The following SLCO3A1 variants were observed in gnomAD, a reference collection of about 807,000 sequenced individuals.
The protein encoded by SLCO3A1 is solute carrier organic anion transporter family member 3A1.
Under a neutral mutation model 63.1 loss-of-function variants are expected in SLCO3A1, and 27 were observed. The ratio of observed to expected loss-of-function variants is 0.43; its 90% CI spans 0.32 to 0.59. The LOEUF is 0.59. Among genes scored for constraint, SLCO3A1 ranks in the 20% least tolerant of loss-of-function variants. The probability of loss-of-function intolerance (pLI) is 0.09; values close to 1 mark genes in which losing one functional copy is unlikely to be tolerated. For missense variants in SLCO3A1, 773 were observed against 945.8 expected (o/e 0.82, Z 2.40); for synonymous variants, 473 against 409.9 (o/e 1.15, Z -1.86).
Position 91,950,717 on chromosome 15 carries a change from T to G in SLCO3A1, c.646+34259T>G, listed in dbSNP as rs1220163552. Among the ~76,000 whole-genome samples the G allele has an allele frequency of 6.6e-6, 1 of 152,234 alleles. No individual in the cohort carries two copies. Among genetic ancestry groups the G allele is most frequent in the Non-Finnish European group, 1.5e-5 (1 of 68,034 alleles). ...ATTTCACAACCAGTCTGATTGCTCT[T>G]GTCCCAAGTCATTGCTTTTTGGGGT... On this transcript the variant is annotated intron_variant, in intron 2 of 9. Coordinates refer to ENST00000318445, the MANE Select transcript of SLCO3A1 (RefSeq NM_013272.4). This position sits in a 1 kb window ranked among gnomAD's most constrained non-coding sequence, Gnocchi z 4.4.
intron 2 of SLCO3A1, among the ~76,000 whole-genome samples, chr15:92,047,543 A>AAT (rs1369129543): frequency 8.7e-5 from 1 of 11,432 alleles, no homozygotes; most frequent in African/African-American, 4.8e-4. Flanking sequence ...AAATATATAT[A>AAT]ATATATAAAT....
chr15:91,996,722 C>A (rs2046196779), intron 2 of SLCO3A1, among the ~76,000 whole-genome samples: 1 of 152,060 alleles, frequency 6.6e-6, no homozygotes. Context: ...ATGAGAGCAA[C>A]AACACTACAA....
At chr15:91,964,473 C>T (rs1489987869) in intron 2 of SLCO3A1, among the ~76,000 whole-genome samples, 1 of 151,626 alleles carries the variant, frequency 6.6e-6, no homozygotes, top group Non-Finnish European at 1.5e-5. Context: ...ACAGGTTTTA[C>T]TAATATGTGG....
chr15:92,120,588 A>G lies in SLCO3A1; in HGVS notation c.1133A>G (p.Gln378Arg). 6.2e-7 allele frequency: 1 copy of G among 1,613,954 alleles called. No individual in the cohort carries two copies. The highest frequency in any genetic ancestry group is 1.3e-5 in the African/African-American group (1 of 74,954). Reference protein sequence around the residue: ...FAAFLGKYLEQQFNLTTSSAN... With the variant: ...FAAFLGKYLERQFNLTTSSAN... ...GCCTTTTTGGGGAAGTACCTGGAGCAGCAGTTTAACCTCACCACCTCTTCT... is the reference window on the plus strand; with the variant it reads ...GCCTTTTTGGGGAAGTACCTGGAGCGGCAGTTTAACCTCACCACCTCTTCT... The change falls in exon 5 of 10, where the codon CAG becomes CGG. Residue 378 changes from glutamine (Q) to arginine (R), a missense_variant. Transcript: ENST00000318445.
chr15:92,070,254 G>A (rs1452249132), intron 2 of SLCO3A1, among the ~76,000 whole-genome samples: 3 of 152,242 alleles, frequency 2.0e-5, no homozygotes, highest in Admixed American at 6.5e-5. Flanking sequence ...AAGGGACTTC[G>A]AAAGTTAAAC....
intron 2 of SLCO3A1, among the ~76,000 whole-genome samples, chr15:92,045,375 T>G (rs1307543590): frequency 1.3e-5 from 2 of 152,156 alleles, no homozygotes; most frequent in Non-Finnish European, 2.9e-5. Flanking sequence ...AAAAATCACT[T>G]ATAATTCTGC....
At chr15:91,920,174 T>G (rs1170865004) in intron 2 of SLCO3A1, among the ~76,000 whole-genome samples, 1 of 152,244 alleles carries the variant, frequency 6.6e-6, no homozygotes, top group South Asian at 2.1e-4. Context: ...TTGAGTAACT[T>G]ACCCAAGCTC....
At chr15:92,007,129 C>T (rs1458179736) in intron 2 of SLCO3A1, among the ~76,000 whole-genome samples, 1 of 152,164 alleles carries the variant, frequency 6.6e-6, no homozygotes, top group Non-Finnish European at 1.5e-5. Flanking sequence ...TGTGGTGTAA[C>T]ATTTAGGACA....
intron 2 of SLCO3A1, among the ~76,000 whole-genome samples, chr15:92,015,858 A>G (rs1431432882): frequency 1.3e-5 from 2 of 152,202 alleles, no homozygotes; most frequent in Non-Finnish European, 1.5e-5. Flanking sequence ...ACAGGGGCCA[A>G]GAAGAACTGG....
At chr15:92,018,772 G>A (rs1467710429) in intron 2 of SLCO3A1, among the ~76,000 whole-genome samples, 2 of 152,106 alleles carry the variant, frequency 1.3e-5, no homozygotes, top group Non-Finnish European at 2.9e-5. Flanking sequence ...GGAGTGCAGG[G>A]ATGTCCCCCA....
At chr15:92,040,673 A>G (rs561661042) in intron 2 of SLCO3A1, among the ~76,000 whole-genome samples, 2 of 152,252 alleles carry the variant, frequency 1.3e-5, no homozygotes, top group African/African-American at 2.4e-5. Context: ...TACCTGGACA[A>G]TACTACCAGC....
At chr15:92,145,588 G>T (rs2048211391) in intron 7 of SLCO3A1, among the ~76,000 whole-genome samples, 1 of 152,132 alleles carries the variant, frequency 6.6e-6, no homozygotes, top group African/African-American at 2.4e-5. Flanking sequence ...GAAGGAGGCT[G>T]GGATGTGCCC....
At position 92,064,033 on chromosome 15, in the gene SLCO3A1, A is replaced by G. The variant is rs145856502; in HGVS notation, c.647-30848A>G. Among the ~76,000 whole-genome samples the G allele has an allele frequency of 2.2e-3, 334 of 152,310 alleles. 3 individuals carry two copies. The highest frequency in any genetic ancestry group is 7.7e-3 in the African/African-American group (320 of 41,566). On this transcript the variant is annotated intron_variant, in intron 2 of 9. Transcript: ENST00000318445. ...GGGATGTGTTTACTCTGAGGTTATC[A>G]GTGACTGAGCATAAGTTAACCTCTC...
chr15:91,912,642 G>A lies in SLCO3A1; in HGVS notation c.181-3351G>A, dbSNP rs1486974085. ...TGTCATGTTTCAGATTTGTTGTCTT[G>A]TGTGTATGTCATGAGGCATCATGGC... On this transcript the variant is annotated intron_variant, in intron 1 of 9. Coordinates refer to ENST00000318445, the MANE Select transcript of SLCO3A1 (RefSeq NM_013272.4). The surrounding 1 kb of genome is among the most constrained non-coding windows in gnomAD (Gnocchi z 5.0). Among the ~76,000 whole-genome samples the A allele has an allele frequency of 6.6e-6, 1 of 152,198 alleles. No homozygotes were observed. The highest frequency in any genetic ancestry group is 1.9e-4 in the East Asian group (1 of 5,188).
At position 91,998,986 on chromosome 15, in the gene SLCO3A1, G is replaced by A. The variant is rs186390491; in HGVS notation, c.646+82528G>A. On this transcript the variant is annotated intron_variant, in intron 2 of 9. Transcript: ENST00000318445. ...AAGGAATGAAGTCATGTCCTTTGTA[G>A]GAACATGGATGCAGCGGGAGGCCAT... 3.9e-5 allele frequency among the ~76,000 whole-genome samples: 6 copies of A among 152,354 alleles called. 1 individual carries two copies.
intron 7 of SLCO3A1, among the ~76,000 whole-genome samples, chr15:92,145,382 A>G (rs1179048810): frequency 6.6e-6 from 1 of 151,864 alleles, no homozygotes; most frequent in Non-Finnish European, 1.5e-5. Context: ...AAAAGTGAGG[A>G]AGGTTCGTTC....
chr15:92,043,308 G>C (rs2046820994), intron 2 of SLCO3A1, among the ~76,000 whole-genome samples: 1 of 152,182 alleles, frequency 6.6e-6, no homozygotes, highest in East Asian at 1.9e-4. Context: ...TGGGATTATA[G>C]ACACTCTGTC....
chr15:91,936,872 CT>C (rs377450915), intron 2 of SLCO3A1, among the ~76,000 whole-genome samples: 7 of 152,264 alleles, frequency 4.6e-5, no homozygotes, highest in African/African-American at 1.7e-4. Context: ...TCCTGTTTCT[CT>C]CGTAGGCACC....
chr15:92,165,044 A>C lies in SLCO3A1; in HGVS notation c.*1909A>C, dbSNP rs557944457. 1.0e-6 allele frequency: 1 copy of C among 985,406 alleles called. No homozygotes were observed. Among genetic ancestry groups the C allele is most frequent in the Non-Finnish European group, 1.2e-6 (1 of 829,892 alleles). The allele number at this position is 985,406 out of a possible 1,614,324, so 61.0% of individuals were successfully genotyped here. On this transcript the variant is annotated 3_prime_UTR_variant, in exon 10 of 10. Transcript: ENST00000318445. ...CAAACAAAAGAATCAGGAAGTAAAA[A>C]ATGGTTGGGAGTGGGACAGGTATGG...
Sources: gnomAD v4.1 joint callset for allele counts (sites outside exome capture counted in the v4.1 genomes callset) on GRCh38, gnomAD v4.1.1 for gene constraint, Gnocchi (gnomAD v3.1) non-coding constraint, MANE v1.5 for transcripts, NCBI Gene and HGNC (gene_info 2026-07-23, HGNC 2026-07-21) for gene names.